The following XYLT1 variants were observed in gnomAD, a reference collection of about 807,000 sequenced individuals.
XYLT1 encodes the protein xylosyltransferase 1.
Under a neutral mutation model 91.3 loss-of-function variants are expected in XYLT1, and 36 were observed. The ratio of observed to expected loss-of-function variants is 0.39; its 90% CI spans 0.30 to 0.52. The LOEUF (loss-of-function observed/expected upper bound fraction) is 0.52, where lower values mean the gene tolerates loss of function less well. Among genes scored for constraint, XYLT1 ranks in the 20% least tolerant of loss-of-function variants. XYLT1 has a pLI of 0.68. For synonymous variants in XYLT1, 588 were observed against 532.0 expected (o/e 1.11, Z -1.45); for missense variants, 1,242 against 1,284.5 (o/e 0.97, Z 0.51).
intron 1 of XYLT1, among the ~76,000 whole-genome samples, chr16:17,366,061 C>CT (rs11398471): frequency 0.35 from 44,371 of 128,520 alleles, 7,871 homozygotes; most frequent in Non-Finnish European, 0.38. Flanking sequence ...AGCTGGTTTG[C>CT]TTTTTTTTTT....
chr16:17,384,257 T>G (rs1408097464), intron 1 of XYLT1, among the ~76,000 whole-genome samples: 1 of 151,700 alleles, frequency 6.6e-6, no homozygotes, highest in Admixed American at 6.6e-5. Flanking sequence ...TAGGAGTTGA[T>G]GCTGTACAAC....
At position 17,117,537 on chromosome 16, in the gene XYLT1, G is replaced by A. The variant is rs184909388; in HGVS notation, c.2557+109C>T. ...TTGAGAGCAAGGAGTGCTGTTCTGT[G>A]AGGCCGCTGCTTACCCTATGTCTGA... On this transcript the variant is annotated intron_variant, in intron 11 of 11. Transcript: ENST00000261381. 200 of 1,199,470 alleles carry A rather than the reference G, an allele frequency of 1.7e-4. No homozygotes were observed. The African/African-American group carries it at 2.6e-3, about 16-fold the overall frequency. 74.3% of individuals were successfully genotyped at this position (1,199,470 alleles called of 1,614,324 possible).
intron 3 of XYLT1, among the ~76,000 whole-genome samples, chr16:17,218,741 A>G (rs1173687201): frequency 1.3e-5 from 2 of 152,258 alleles, no homozygotes; most frequent in East Asian, 3.9e-4. Context: ...CTCCTACAAC[A>G]TGTAAGGTCT....
intron 5 of XYLT1, among the ~76,000 whole-genome samples, chr16:17,160,732 C>T (rs2031528817): frequency 6.6e-6 from 1 of 152,158 alleles, no homozygotes; most frequent in Non-Finnish European, 1.5e-5. Flanking sequence ...GTGGTTAAAC[C>T]CCATCGTGCA....
chr16:17,455,531 A>T (rs1210913719), intron 1 of XYLT1, among the ~76,000 whole-genome samples: 1 of 152,088 alleles, frequency 6.6e-6, no homozygotes, highest in Non-Finnish European at 1.5e-5. Context: ...TGGGCGAATC[A>T]CTTGAGGTCA....
At chr16:17,261,739 G>A (rs1377691481) in intron 2 of XYLT1, among the ~76,000 whole-genome samples, 1 of 152,164 alleles carries the variant, frequency 6.6e-6, no homozygotes, top group Non-Finnish European at 1.5e-5. Context: ...GAAGCACGTG[G>A]AGTCTGAGGC....
At chr16:17,413,251 C>T (rs1484278785) in intron 1 of XYLT1, among the ~76,000 whole-genome samples, 2 of 152,170 alleles carry the variant, frequency 1.3e-5, no homozygotes, top group African/African-American at 2.4e-5. Context: ...CAATGCCACA[C>T]ACTGTGCACT....
intron 2 of XYLT1, among the ~76,000 whole-genome samples, chr16:17,267,877 T>C (rs2033830379): frequency 6.7e-6 from 1 of 149,048 alleles, no homozygotes; most frequent in African/African-American, 2.5e-5. Context: ...AATGAGGCTG[T>C]TATGAGAATT....
At chr16:17,447,609 T>C (rs1481363289) in intron 1 of XYLT1, among the ~76,000 whole-genome samples, 3 of 152,194 alleles carry the variant, frequency 2.0e-5, no homozygotes, top group Non-Finnish European at 4.4e-5. Flanking sequence ...TCCTAGAAGC[T>C]TGAAGCTGTC....
chr16:17,344,772 C>T (rs1157068985), intron 2 of XYLT1, among the ~76,000 whole-genome samples: 1 of 151,746 alleles, frequency 6.6e-6, no homozygotes, highest in East Asian at 2.0e-4. Context: ...GTGATCTTGG[C>T]TCACTGCAAC....
intron 1 of XYLT1, among the ~76,000 whole-genome samples, chr16:17,470,140 A>G (rs2036964398): frequency 6.6e-6 from 1 of 152,086 alleles, no homozygotes; most frequent in African/African-American, 2.4e-5. Flanking sequence ...GTCCCCAGCA[A>G]GAGTGATGGG....
chr16:17,327,535 TGTATTTTTA>T (rs2034827040), intron 2 of XYLT1, among the ~76,000 whole-genome samples: 1 of 147,902 alleles, frequency 6.8e-6, no homozygotes, highest in African/African-American at 2.5e-5. Flanking sequence ...GCTAATTTTT[TGTATTTTTA>T]GTAGAGACGG....
At chr16:17,368,536 A>G (rs1010117409) in intron 1 of XYLT1, among the ~76,000 whole-genome samples, 3 of 146,892 alleles carry the variant, frequency 2.0e-5, no homozygotes, top group Non-Finnish European at 4.5e-5. Flanking sequence ...GGCTGTTCCC[A>G]GAAGGCCATA....
intron 2 of XYLT1, chr16:17,338,128 G>A (rs1170123802): frequency 4.4e-6 from 2 of 451,788 alleles, no homozygotes; most frequent in South Asian, 3.1e-5. Flanking sequence ...CACTTTCCCT[G>A]TCCCAGTTCA....
intron 2 of XYLT1, among the ~76,000 whole-genome samples, chr16:17,329,819 G>A (rs969633076): frequency 6.6e-6 from 1 of 152,172 alleles, no homozygotes; most frequent in African/African-American, 2.4e-5. Context: ...TCCCACCTTG[G>A]TGACATACAG....
chr16:17,378,281 G>A (rs1382198437), intron 1 of XYLT1, among the ~76,000 whole-genome samples: 3 of 150,714 alleles, frequency 2.0e-5, no homozygotes, highest in Non-Finnish European at 4.4e-5. Context: ...ATACCAAATA[G>A]GTATTTATTT....
In XYLT1 at chr16:17,146,110, C is replaced by T. The variant is rs11645336; in HGVS notation, c.1371-4741G>A. Among the ~76,000 whole-genome samples the T allele has an allele frequency of 2.6e-3, 396 of 151,812 alleles. 2 individuals are homozygous for T. The highest frequency in any genetic ancestry group is 3.5e-3 in the Admixed American group (54 of 15,272). On this transcript the variant is annotated intron_variant, in intron 6 of 11. Coordinates refer to ENST00000261381, the MANE Select transcript of XYLT1 (RefSeq NM_022166.4). Reference sequence around the variant, plus strand: ...AATTCCAGAAAGAATTCCCTCTCACCGGGCTTCCCACAAATCCACTGACAT... The same window carrying T: ...AATTCCAGAAAGAATTCCCTCTCACTGGGCTTCCCACAAATCCACTGACAT...
At chr16:17,167,690 C>T (rs559688122) in intron 5 of XYLT1, among the ~76,000 whole-genome samples, 24 of 151,844 alleles carry the variant, frequency 1.6e-4, no homozygotes, top group Non-Finnish European at 3.1e-4. Context: ...CCTTCCATCT[C>T]GTGAACGGAT....
intron 5 of XYLT1, among the ~76,000 whole-genome samples, chr16:17,176,428 G>C (rs1321357602): frequency 6.6e-6 from 1 of 152,252 alleles, no homozygotes; most frequent in African/African-American, 2.4e-5. Context: ...AACTGAGGCA[G>C]AGACAGGTTG....
Sources: allele counts gnomAD v4.1 joint callset (sites outside exome capture counted in the v4.1 genomes callset), GRCh38; gene constraint gnomAD v4.1.1; transcripts MANE v1.5; gene names NCBI Gene and HGNC (gene_info 2026-07-23, HGNC 2026-07-21).